USP24: variants seen among roughly 807,000 people sequenced by gnomAD.
The protein encoded by USP24 is ubiquitin specific peptidase 24.
USP24 carries 97 observed loss-of-function variants against 361.6 expected under a neutral mutation model. The observed-to-expected ratio is 0.27, with a 90% confidence interval of 0.23 to 0.32. The LOEUF is 0.32. USP24 is among the 10% of genes least tolerant of loss of function. USP24 has a pLI of 1.00. For synonymous variants in USP24, 1,098 were observed against 1,124.6 expected (o/e 0.98, Z 0.47); for missense variants, 2,353 against 3,165.6 (o/e 0.74, Z 6.16).
At chr1:55,169,047 G>A (rs1346345230) in intron 5 of USP24, among the ~76,000 whole-genome samples, 2 of 151,910 alleles carry the variant, frequency 1.3e-5, no homozygotes, top group East Asian at 3.9e-4. Context: ...TAAATATCAG[G>A]CACAGAATAT....
At chr1:55,074,876 T>G (rs1644994485) in intron 63 of USP24, among the ~76,000 whole-genome samples, 1 of 152,030 alleles carries the variant, frequency 6.6e-6, no homozygotes, top group Admixed American at 6.6e-5. Context: ...TAGCAAAATC[T>G]AAAATGATTC....
At chr1:55,148,665 G>A (rs1477909698) in intron 16 of USP24, 95 bp from the exon 17 acceptor site, 3 of 855,446 alleles carry the variant, frequency 3.5e-6, no homozygotes, top group Non-Finnish European at 5.4e-6. Context: ...CAGGTTTACT[G>A]TTACACATTT....
chr1:55,204,389 G>C (rs1479526824), intron 1 of USP24, among the ~76,000 whole-genome samples: 1 of 151,832 alleles, frequency 6.6e-6, no homozygotes, highest in Non-Finnish European at 1.5e-5. Context: ...GATACTAGTT[G>C]AGAGAATCAT....
rs1343039385 is a variant in USP24, at chr1:55,072,870, CGAG to C, written c.7527-12_7527-10del. 2 of 1,599,304 alleles carry C rather than the reference CGAG, an allele frequency of 1.3e-6. No individual in the cohort carries two copies. The highest frequency in any genetic ancestry group is 1.7e-6 in the Non-Finnish European group (2 of 1,172,898). On this transcript the variant is annotated splice_polypyrimidine_tract_variant and intron_variant, in intron 64 of 67. Coordinates refer to ENST00000294383, the MANE Select transcript of USP24 (RefSeq NM_015306.3). ...CCTTAGCTGCAGGACACCTGATGAC[CGAG>C]GAGATTTTTATTAGCCAAATTCTTT...
chr1:55,067,828 C>G lies in USP24; in HGVS notation c.*1217G>C, dbSNP rs552225388. ...ATATATGAAATATGTGGGTGTAAAC[C>G]TCTCCCCCACACCATAAAAGGGAGC... On this transcript the variant is annotated 3_prime_UTR_variant, in exon 68 of 68. Transcript: ENST00000294383. 2.0e-5 allele frequency: 3 copies of G among 152,272 alleles called. No homozygotes were observed. Among genetic ancestry groups the G allele is most frequent in the Admixed American group, 2.0e-4 (3 of 15,298 alleles). The allele number at this position is 152,272 out of a possible 1,614,324, so 9.4% of individuals were successfully genotyped here.
intron 58 of USP24, 53 bp from the exon 59 acceptor site, chr1:55,081,477 G>T: frequency 6.6e-7 from 1 of 1,510,392 alleles, no homozygotes; most frequent in South Asian, 1.1e-5. Flanking sequence ...GAAATAATAT[G>T]AAGAGGAAGG....
At chr1:55,070,688 G>GGAGAAGA (rs1410292521) in intron 67 of USP24, among the ~76,000 whole-genome samples, 8 of 152,204 alleles carry the variant, frequency 5.3e-5, no homozygotes, top group Non-Finnish European at 8.8e-5. Flanking sequence ...GGGGCAACAG[G>GGAGAAGA]GAGAAGAGAG....
chr1:55,209,873 G>A (rs1211020264), intron 1 of USP24, among the ~76,000 whole-genome samples: 4 of 151,848 alleles, frequency 2.6e-5, no homozygotes, highest in African/African-American at 9.7e-5. Context: ...AGTAAAAAAC[G>A]CCCTCCTTCA....
At chr1:55,166,100 G>A in intron 6 of USP24, 150 bp from the exon 7 acceptor site, 1 of 567,116 alleles carries the variant, frequency 1.8e-6, no homozygotes, top group Non-Finnish European at 2.9e-6. Flanking sequence ...GCACATCATG[G>A]AGAATGGGGT....
intron 56 of USP24, among the ~76,000 whole-genome samples, chr1:55,084,948 AAGG>A (rs1280104378): frequency 6.6e-6 from 1 of 152,160 alleles, no homozygotes; most frequent in Non-Finnish European, 1.5e-5. Flanking sequence ...ACATGGGAGG[AAGG>A]AGGAGAGTGA....
rs1645047416 is a variant in USP24, at chr1:55,077,224, T to C, written c.7380+11A>G. ...CCTAAATAAAAGTGAGTCAGAACAG[T>C]TATGACTTACCAATATTTCATGAAG... On this transcript the variant is annotated intron_variant, in intron 62 of 67. Coordinates refer to ENST00000294383, the MANE Select transcript of USP24 (RefSeq NM_015306.3). The C allele has an allele frequency of 1.3e-6, 2 of 1,533,988 alleles. No homozygotes were observed. The highest frequency in any genetic ancestry group is 1.8e-6 in the Non-Finnish European group (2 of 1,131,252).
intron 1 of USP24, among the ~76,000 whole-genome samples, chr1:55,191,953 TTTAG>T: frequency 6.6e-6 from 1 of 152,340 alleles, no homozygotes; most frequent in African/African-American, 2.4e-5. Context: ...TATTGCAAAT[TTTAG>T]TTAGACATGT....
intron 44 of USP24, among the ~76,000 whole-genome samples, chr1:55,100,314 C>A (rs193223261): frequency 6.6e-6 from 1 of 152,054 alleles, no homozygotes; most frequent in Non-Finnish European, 1.5e-5. Flanking sequence ...CTGACCAACA[C>A]GGAGAAACCC....
chr1:55,152,366 A>C (rs1191277111), intron 16 of USP24, among the ~76,000 whole-genome samples: 1 of 152,208 alleles, frequency 6.6e-6, no homozygotes, highest in Non-Finnish European at 1.5e-5. Context: ...CTGACTAGAA[A>C]AGCTAAGTAA....
rs999063141 is a variant in USP24 at position 55,154,067 on chromosome 1, T to C, written c.1812+52A>G. The C allele has an allele frequency of 3.1e-6, 5 of 1,608,166 alleles. No individual in the cohort carries two copies. The African/African-American group carries it at 6.7e-5, about 22-fold the overall frequency. On this transcript the variant is annotated intron_variant, in intron 15 of 67. Coordinates refer to ENST00000294383, the MANE Select transcript of USP24 (RefSeq NM_015306.3). ...AGGAAAATTATTTGGCTCTAATTAC[T>C]CAGGGAATACTGTTGCTCTAACAAC...
chr1:55,117,256 C>G (rs1342180368), intron 38 of USP24, among the ~76,000 whole-genome samples: 1 of 152,156 alleles, frequency 6.6e-6, no homozygotes, highest in East Asian at 1.9e-4. Context: ...AAGCTTTTAT[C>G]CTAAGAGCAG....
intron 63 of USP24, among the ~76,000 whole-genome samples, chr1:55,075,221 A>G (rs912060059): frequency 2.6e-5 from 4 of 152,018 alleles, no homozygotes; most frequent in Admixed American, 6.6e-5. Context: ...CTTATCTGGT[A>G]AAAGAATCCC....
intron 1 of USP24, among the ~76,000 whole-genome samples, chr1:55,208,968 A>G (rs528755501): frequency 2.9e-4 from 44 of 152,222 alleles, no homozygotes; most frequent in African/African-American, 1.0e-3. Context: ...AAAACCCAAT[A>G]ATGTCACCTA....
chr1:55,129,470 C>T lies in USP24; in HGVS notation c.3635+7G>A, dbSNP rs537442348. On this transcript the variant is annotated splice_region_variant and intron_variant, in intron 32 of 67. Transcript: ENST00000294383. ...CAACTCATGTAACATTACATTGAAA[C>T]TCTAACCTCAAACCGCCAGCTTTGA... 20 of 1,612,954 alleles carry T rather than the reference C, an allele frequency of 1.2e-5. No individual in the cohort carries two copies. The South Asian group carries it at 2.0e-4, about 16-fold the overall frequency.
Sources: allele counts gnomAD v4.1 joint callset (sites outside exome capture counted in the v4.1 genomes callset), GRCh38; gene constraint gnomAD v4.1.1; transcripts MANE v1.5; gene names NCBI Gene and HGNC (gene_info 2026-07-23, HGNC 2026-07-21).